The following PTBP1 variants were observed in gnomAD, a reference collection of about 807,000 sequenced individuals.
PTBP1 encodes the protein polypyrimidine tract binding protein 1.
A neutral mutation model predicts 59.8 loss-of-function variants in PTBP1; 8 were observed. The observed-to-expected ratio is 0.13, with a 90% CI of 0.08 to 0.24. The LOEUF (loss-of-function observed/expected upper bound fraction) is 0.24. Ranked by LOEUF, PTBP1 falls within the 10% of genes least tolerant of loss-of-function variation. The pLI, the probability that PTBP1 is intolerant of heterozygous loss-of-function variation, is 1.00. For synonymous variants in PTBP1, 490 were observed against 320.7 expected, an observed-to-expected ratio of 1.53 and a Z score of -5.64; for missense variants, 686 against 767.0, an observed-to-expected ratio of 0.89 and a Z score of 1.25.
intron 2 of PTBP1, among the ~76,000 whole-genome samples, chr19:799,929 TTTTG>T (rs746136904): frequency 6.6e-6 from 1 of 151,994 alleles, no homozygotes; most frequent in Non-Finnish European, 1.5e-5. Flanking sequence ...TTGTTTTTGT[TTTTG>T]TTTTTTATTT....
In PTBP1 at chr19:811,092, G is replaced by C; in HGVS notation, c.*266G>C. The C allele has an allele frequency of 2.7e-6, 1 of 372,736 alleles. No homozygotes were observed. The highest frequency in any genetic ancestry group is 4.8e-6 in the Non-Finnish European group (1 of 209,924). The allele number at this position is 372,736 out of a possible 1,614,324, so 23.1% of individuals were successfully genotyped here. On this transcript the variant is annotated 3_prime_UTR_variant, in exon 15 of 15. Transcript: ENST00000356948. ...GGCCAGACCCTCGGGGCCATGCCTT[G>C]GTGGGGCCTGTGTCGGGCGTGGGGC...
rs2034700423 is a variant in PTBP1, at chr19:808,722, A to G, written c.1423A>G (p.Ile475Val). The change falls in exon 13 of 15, where the codon ATA (isoleucine) becomes GTA (valine). Residue 475 changes from isoleucine to valine, a missense_variant. Coordinates refer to ENST00000356948, the MANE Select transcript of PTBP1 (RefSeq NM_002819.5). This position sits in a 1 kb window ranked among gnomAD's most constrained non-coding sequence, Gnocchi z 4.7. ...KKPGSKNFQNIFPPSATLHLS... is the reference protein window; with the variant it reads ...KKPGSKNFQNVFPPSATLHLS... ...GCCGGGCTCCAAGAACTTCCAGAAC[A>G]TATTCCCGCCCTCGGCCACGCTGCA... The G allele has an allele frequency of 6.2e-7, 1 of 1,612,914 alleles. No individual in the cohort carries two copies.
chr19:806,062 G>A (rs1229719618), intron 9 of PTBP1: 3 of 267,458 alleles, frequency 1.1e-5, no homozygotes, highest in East Asian at 8.5e-5. Flanking sequence ...CTGCATGGAG[G>A]CATGGGCGCG....
Position 810,909 on chromosome 19 carries a change from A to C in PTBP1, c.*83A>C. 7.9e-7 allele frequency: 1 copy of C among 1,265,106 alleles called. No homozygotes were observed. The allele number at this position is 1,265,106 out of a possible 1,614,324, so 78.4% of individuals were successfully genotyped here. On this transcript the variant is annotated 3_prime_UTR_variant, in exon 15 of 15. Coordinates refer to ENST00000356948, the MANE Select transcript of PTBP1 (RefSeq NM_002819.5). ...AGCCACTTTAAAAACAGCTGAAGTG[A>C]CCTTAGCAGACCAGAGATTTTATTT...
chr19:801,653 C>G (rs775215559), intron 2 of PTBP1, among the ~76,000 whole-genome samples: 21 of 152,258 alleles, frequency 1.4e-4, no homozygotes, highest in Non-Finnish European at 2.6e-4. Context: ...CTCCCCCAGC[C>G]TCTGAGCTGG....
rs147803014 is a variant in PTBP1, at chr19:804,843, C to G, written c.621C>G (p.Phe207Leu). Residue 207 changes from phenylalanine to leucine, a missense_variant, in exon 7 of 15, where the codon TTC becomes TTG. Coordinates refer to ENST00000356948, the MANE Select transcript of PTBP1 (RefSeq NM_002819.5). The stretch of plus-strand genomic sequence containing the variant: ...GGGACCTGCAGATTTTCTCCAAGTT[C>G]GGCACAGTGTTGAAGATCATCACCT... The part of the protein sequence containing the change: ...LDVLHQIFSK[F>L]GTVLKIITFT... 1.2e-6 allele frequency: 2 copies of G among 1,613,842 alleles called. No individual in the cohort carries two copies. Among genetic ancestry groups the G allele is most frequent in the Non-Finnish European group, 8.5e-7 (1 of 1,179,812 alleles).
At chr19:806,264 A>G (rs564337979) in intron 9 of PTBP1, 144 bp from the exon 10 acceptor site, 2 of 947,614 alleles carry the variant, frequency 2.1e-6, no homozygotes, top group South Asian at 2.0e-5. Flanking sequence ...GGACGACCCC[A>G]CAGGCACCCA....
chr19:803,713 C>A, intron 3 of PTBP1, 77 bp downstream of exon 3: 1 of 1,322,138 alleles, frequency 7.6e-7, no homozygotes, highest in Admixed American at 1.8e-5. Flanking sequence ...TGTTCTGGGA[C>A]TCTACTTTCC....
At chr19:810,026 G>T (rs2034781705) in intron 13 of PTBP1, among the ~76,000 whole-genome samples, 1 of 152,216 alleles carries the variant, frequency 6.6e-6, no homozygotes, top group Non-Finnish European at 1.5e-5. Context: ...TCAACAAGGG[G>T]CCTGGCAGAG....
At chr19:805,848 C>G (rs1460044464) in intron 9 of PTBP1, 1 of 465,820 alleles carries the variant, frequency 2.1e-6, no homozygotes, top group Non-Finnish European at 3.9e-6. Context: ...CGGGCGAGCG[C>G]GAGGACCGCC....
At position 804,458 on chromosome 19, in the gene PTBP1, AC is replaced by A. The variant is rs1356750960; in HGVS notation, c.435+24del. 2 of 1,605,740 alleles carry A rather than the reference AC, an allele frequency of 1.2e-6. No individual in the cohort carries two copies. The highest frequency in any genetic ancestry group is 1.7e-6 in the Non-Finnish European group (2 of 1,178,500). ...CAGGCGGTGCGTGGCCCCGCGGCGG[AC>A]CCCAGCAGCCCGGGGACCTCGGGGG... On this transcript the variant is annotated intron_variant, in intron 5 of 14. Coordinates refer to ENST00000356948, the MANE Select transcript of PTBP1 (RefSeq NM_002819.5).
chr19:805,655 G>A, intron 9 of PTBP1, 86 bp downstream of exon 9: 4 of 1,140,134 alleles, frequency 3.5e-6, no homozygotes, highest in Non-Finnish European at 5.3e-6. Context: ...GCGGCAGCCT[G>A]GGCGGACTGG....
intron 13 of PTBP1, among the ~76,000 whole-genome samples, chr19:809,475 C>A (rs1314858221): frequency 6.6e-6 from 1 of 152,096 alleles, no homozygotes; most frequent in African/African-American, 2.4e-5. Flanking sequence ...TGCCCGCCAG[C>A]ACGCCCGGCT....
At chr19:809,225 T>G (rs939046295) in intron 13 of PTBP1, among the ~76,000 whole-genome samples, 30 of 151,562 alleles carry the variant, frequency 2.0e-4, no homozygotes, top group African/African-American at 6.5e-4. Context: ...GCCAGGCTGA[T>G]CTTGATCTCC....
intron 5 of PTBP1, 31 bp from the exon 6 acceptor site, chr19:804,501 G>C: frequency 6.3e-7 from 1 of 1,595,018 alleles, no homozygotes; most frequent in South Asian, 1.1e-5. Context: ...CAGCCGCAGG[G>C]GCCGGGGACT....
chr19:810,306 GAAAAA>G (rs147256862), intron 13 of PTBP1, among the ~76,000 whole-genome samples: 1 of 150,298 alleles, frequency 6.7e-6, no homozygotes, highest in Non-Finnish European at 1.5e-5. Flanking sequence ...ATTCCATCTG[GAAAAA>G]AAAAAGTGGA....
At chr19:800,367 C>T (rs2034279171) in intron 2 of PTBP1, among the ~76,000 whole-genome samples, 1 of 152,070 alleles carries the variant, frequency 6.6e-6, no homozygotes, top group Non-Finnish European at 1.5e-5. Flanking sequence ...AGGGTGAGGC[C>T]AGGGCTCAGC....
chr19:808,699 C>T lies in PTBP1; in HGVS notation c.1400C>T (p.Pro467Leu), dbSNP rs1183581222. 1.2e-6 allele frequency: 2 copies of T among 1,613,200 alleles called. No individual in the cohort carries two copies. The highest frequency in any genetic ancestry group is 1.3e-5 in the African/African-American group (1 of 74,994). ...GNSPLHRFKK[P>L]GSKNFQNIFP... ...TCACCCCTGCACCGCTTCAAGAAGCCGGGCTCCAAGAACTTCCAGAACATA... is the reference window on the plus strand; with the variant it reads ...TCACCCCTGCACCGCTTCAAGAAGCTGGGCTCCAAGAACTTCCAGAACATA... Residue 467 changes from proline (P) to leucine (L), a missense_variant, in exon 13 of 15, where the codon CCG becomes CTG. Coordinates refer to ENST00000356948, the MANE Select transcript of PTBP1 (RefSeq NM_002819.5). The surrounding 1 kb of genome is among the most constrained non-coding windows in gnomAD (Gnocchi z 4.7).
chr19:808,341 C>A lies in PTBP1; in HGVS notation c.1154-19C>A, dbSNP rs991169308. ...GGCAGGCAGCAGGAGACTCAGGCCC[C>A]ATCCCTGGGCTTTTGAAGGCGTCTA... On this transcript the variant is annotated intron_variant, in intron 11 of 14. Transcript: ENST00000356948. The surrounding 1 kb of genome is among the most constrained non-coding windows in gnomAD (Gnocchi z 4.7). 5.7e-6 allele frequency: 9 copies of A among 1,575,900 alleles called. No homozygotes were observed. The highest frequency in any genetic ancestry group is 7.8e-6 in the Non-Finnish European group (9 of 1,160,784).
Sources: gnomAD v4.1 joint callset for allele counts (sites outside exome capture counted in the v4.1 genomes callset) on GRCh38, gnomAD v4.1.1 for gene constraint, Gnocchi (gnomAD v3.1) non-coding constraint, MANE v1.5 for transcripts, NCBI Gene and HGNC (gene_info 2026-07-23, HGNC 2026-07-21) for gene names.